Variants in ZFAND4 observed in about 807,000 individuals in gnomAD.
The protein encoded by ZFAND4 is zinc finger AN1-type containing 4, also known as AN1-type zinc finger protein 4.
ZFAND4 carries 43 observed loss-of-function variants against 64.4 expected under a neutral mutation model. The observed-to-expected ratio is 0.67, with a 90% confidence interval of 0.52 to 0.86. ZFAND4 has a LOEUF of 0.86. Among genes scored for constraint, ZFAND4 ranks in the 40% least tolerant of loss-of-function variants. The pLI is 0.00. For synonymous variants in ZFAND4, 296 were observed against 305.7 expected (o/e 0.97, Z 0.33); for missense variants, 929 against 859.8 (o/e 1.08, Z -1.01).
At chr10:45,635,195 C>CAAAAAAAAAAAAAAAAAA (rs1173808756) in intron 6 of ZFAND4, among the ~76,000 whole-genome samples, 10 of 27,628 alleles carry the variant, frequency 3.6e-4, no homozygotes, top group African/African-American at 8.5e-4. Context: ...GCCATCTAAG[C>CAAAAAAAAAAAAAAAAAA]AAAAAAAAAA....
At chr10:45,663,896 T>C (rs535934561) in intron 1 of ZFAND4, 54 bp from the exon 2 acceptor site, 10 of 532,044 alleles carry the variant, frequency 1.9e-5, no homozygotes, top group African/African-American at 1.6e-4. Context: ...TATTTGTCCA[T>C]AAAGATTTTC....
At chr10:45,656,515 A>AAG (rs1278496995) in intron 2 of ZFAND4, among the ~76,000 whole-genome samples, 1 of 150,056 alleles carries the variant, frequency 6.7e-6, no homozygotes, top group Non-Finnish European at 1.5e-5. Context: ...AAAAAAAAAA[A>AAG]AAAAAAAAAA....
At chr10:45,661,686 A>C (rs1289852269) in intron 2 of ZFAND4, among the ~76,000 whole-genome samples, 2 of 152,192 alleles carry the variant, frequency 1.3e-5, no homozygotes, top group African/African-American at 4.8e-5. Flanking sequence ...CACGCCTGTA[A>C]TCCCAGCACT....
At position 45,618,194 on chromosome 10, in the gene ZFAND4, TTTG is replaced by T. The variant is rs751371678; in HGVS notation, c.1991_1993del (p.Thr664del). 3.7e-6 allele frequency: 6 copies of T among 1,613,328 alleles called. No homozygotes were observed. In the African/African-American group the frequency reaches 6.7e-5, roughly 18 times the overall value. On this transcript the variant is annotated inframe_deletion, in exon 9 of 10. Coordinates refer to ENST00000344646, the MANE Select transcript of ZFAND4 (RefSeq NM_174890.4). ...TTTCTTTCCACAAAGAAAACAATGATTTGTTGTTTTCTTCTTTGTCTGAAGAGG... is the reference window on the plus strand; with the variant it reads ...TTTCTTTCCACAAAGAAAACAATGATTTGTTTTCTTCTTTGTCTGAAGAGG...
intron 7 of ZFAND4, among the ~76,000 whole-genome samples, chr10:45,625,423 G>A (rs1286854545): frequency 7.1e-6 from 1 of 141,320 alleles, no homozygotes; most frequent in Non-Finnish European, 1.5e-5. Flanking sequence ...GCAGTGAGCC[G>A]AGATAGCGCC....
intron 6 of ZFAND4, among the ~76,000 whole-genome samples, chr10:45,633,423 C>G (rs1589293398): frequency 6.6e-6 from 1 of 151,998 alleles, no homozygotes; most frequent in East Asian, 1.9e-4. Context: ...AATGAAAAAT[C>G]AAGCCCGGCA....
intron 6 of ZFAND4, among the ~76,000 whole-genome samples, chr10:45,636,296 T>C (rs998528341): frequency 1.3e-5 from 2 of 152,200 alleles, no homozygotes; most frequent in African/African-American, 4.8e-5. Flanking sequence ...TTTTATTCCA[T>C]TGTAATCAGA....
intron 2 of ZFAND4, among the ~76,000 whole-genome samples, chr10:45,661,343 C>G (rs919698617): frequency 3.9e-5 from 6 of 152,018 alleles, no homozygotes; most frequent in African/African-American, 1.4e-4. Context: ...CTGAGCAGGC[C>G]CTGCTCCTCC....
At chr10:45,624,725 T>A in intron 7 of ZFAND4, 88 bp from the exon 8 acceptor site, 1 of 1,105,886 alleles carries the variant, frequency 9.0e-7, no homozygotes, top group Non-Finnish European at 1.3e-6. Context: ...ATTTTATCAC[T>A]AAGATGCTGT....
chr10:45,667,458 C>CCTTTTTTTTTTTTTTTTTTTT (rs1564639790), intron 1 of ZFAND4, among the ~76,000 whole-genome samples: 1 of 90,662 alleles, frequency 1.1e-5, no homozygotes, highest in African/African-American at 4.3e-5. Context: ...TCTTTTCTTT[C>CCTTTTTTTTTTTTTTTTTTTT]TTTTTTTTTT....
chr10:45,639,257 T>C (rs192833282), intron 6 of ZFAND4, among the ~76,000 whole-genome samples: 3 of 152,018 alleles, frequency 2.0e-5, no homozygotes, highest in Non-Finnish European at 4.4e-5. Context: ...TTAAAAAGGG[T>C]ATCCAAATGC....
At chr10:45,646,739 G>C (rs1338981285) in intron 5 of ZFAND4, among the ~76,000 whole-genome samples, 2 of 152,196 alleles carry the variant, frequency 1.3e-5, no homozygotes, top group Admixed American at 6.5e-5. Context: ...TTTAGGAAAA[G>C]GGAGCCAAAA....
intron 5 of ZFAND4, among the ~76,000 whole-genome samples, chr10:45,643,599 G>C (rs188743200): frequency 6.6e-6 from 1 of 150,914 alleles, no homozygotes; most frequent in African/African-American, 2.4e-5. Context: ...GAATCTGGGA[G>C]GCAGAGGTTG....
intron 5 of ZFAND4, among the ~76,000 whole-genome samples, chr10:45,642,904 C>G (rs2047113593): frequency 6.8e-6 from 1 of 146,272 alleles, no homozygotes; most frequent in Admixed American, 6.9e-5. Flanking sequence ...TGTAATTTCT[C>G]CAAATCTTTT....
At chr10:45,638,929 T>C (rs1265726800) in intron 6 of ZFAND4, among the ~76,000 whole-genome samples, 1 of 152,226 alleles carries the variant, frequency 6.6e-6, no homozygotes, top group Non-Finnish European at 1.5e-5. Flanking sequence ...CAGTCGTTAT[T>C]TCTGAGAGTA....
At chr10:45,664,518 C>G (rs145130258) in intron 1 of ZFAND4, among the ~76,000 whole-genome samples, 1 of 151,882 alleles carries the variant, frequency 6.6e-6, no homozygotes, top group East Asian at 1.9e-4. Flanking sequence ...CCACCCGCCT[C>G]GGCCTCCCAA....
chr10:45,630,919 C>CTATG (rs1409274927), intron 6 of ZFAND4, among the ~76,000 whole-genome samples: 1 of 149,960 alleles, frequency 6.7e-6, no homozygotes, highest in Non-Finnish European at 1.5e-5. Context: ...TGAGCTCAGG[C>CTATG]TATGGCACTC....
At position 45,651,425 on chromosome 10, in the gene ZFAND4, T is replaced by G. The variant is rs1237336361; in HGVS notation, c.328+541A>C. ...ACTTTCTCTCCCATGTCTACCATAC[T>G]TGGAACATTGCACTGACCATTCAGT... On this transcript the variant is annotated intron_variant, in intron 4 of 9. Transcript: ENST00000344646. The G allele has an allele frequency of 1.1e-5, 4 of 368,380 alleles. No individual in the cohort carries two copies. In the East Asian group the frequency reaches 2.9e-4, roughly 27 times the overall value. 22.8% of individuals were successfully genotyped at this position (368,380 alleles called of 1,614,324 possible). A position where few individuals can be genotyped will look rare whatever the true frequency, so the allele number is the denominator to read the frequency against.
At chr10:45,642,334 G>A (rs965016536) in intron 5 of ZFAND4, among the ~76,000 whole-genome samples, 9 of 152,076 alleles carry the variant, frequency 5.9e-5, no homozygotes, top group South Asian at 2.1e-4. Context: ...TCAGCTGGGC[G>A]TGATGGCTCA....
Sources: allele counts gnomAD v4.1 joint callset (sites outside exome capture counted in the v4.1 genomes callset), GRCh38; gene constraint gnomAD v4.1.1; transcripts MANE v1.5; gene names NCBI Gene and HGNC (gene_info 2026-07-23, HGNC 2026-07-21).